The following UBE2T variants were observed in gnomAD, a reference collection of about 807,000 sequenced individuals.
The protein encoded by UBE2T is ubiquitin-conjugating enzyme E2 T.
In UBE2T, 15 loss-of-function variants were observed where a neutral mutation model predicts 23.3. The ratio of observed to expected loss-of-function variants is 0.64; its 90% CI spans 0.43 to 0.99. UBE2T has a LOEUF of 0.99. UBE2T is among the 50% of genes least tolerant of loss of function. UBE2T has a pLI of 0.00. For missense variants in UBE2T, 197 were observed against 234.9 expected (o/e 0.84, Z 1.05); for synonymous variants, 67 against 78.4 (o/e 0.85, Z 0.77).
At chr1:202,336,994 A>C (rs1359275940) in intron 1 of UBE2T, among the ~76,000 whole-genome samples, 1 of 152,164 alleles carries the variant, frequency 6.6e-6, no homozygotes, top group East Asian at 1.9e-4. Context: ...CCCAGGCTGG[A>C]GTGCAGTGGT....
At position 202,333,475 on chromosome 1, in the gene UBE2T, A is replaced by G. The variant is rs1654813547; in HGVS notation, c.260T>C (p.Leu87Pro). Residue 87 changes from leucine to proline, a missense_variant, in exon 4 of 7, where the codon CTG (leucine) becomes CCG (proline). Coordinates refer to ENST00000646651, the MANE Select transcript of UBE2T (RefSeq NM_014176.4). ...TTTTGGTGGCAATTTGAGAACATCC[A>G]GACAAATCCTTCCAGCAGAATCAAT... Reference protein sequence around the residue: ...PNIDSAGRICLDVLKLPPKGA... With the variant: ...PNIDSAGRICPDVLKLPPKGA... 5 of 1,614,108 alleles carry G rather than the reference A, an allele frequency of 3.1e-6. No individual in the cohort carries two copies. In the South Asian group the frequency reaches 4.4e-5, roughly 14 times the overall value.
intron 3 of UBE2T, 152 bp from the exon 4 acceptor site, chr1:202,333,707 AC>A: frequency 1.5e-6 from 1 of 672,384 alleles, no homozygotes; most frequent in Non-Finnish European, 2.5e-6. Flanking sequence ...CTAAATTTTC[AC>A]TATGAAAATT....
chr1:202,338,251 C>A (rs924640736), intron 1 of UBE2T, among the ~76,000 whole-genome samples: 3 of 151,666 alleles, frequency 2.0e-5, no homozygotes, highest in African/African-American at 7.3e-5. Context: ...TGGAGTTTTG[C>A]TCTTGTTGCC....
intron 1 of UBE2T, among the ~76,000 whole-genome samples, chr1:202,339,010 T>C (rs1654942532): frequency 6.6e-6 from 1 of 151,850 alleles, no homozygotes; most frequent in Non-Finnish European, 1.5e-5. Flanking sequence ...CTGTCCTTTC[T>C]AATTTTGTCT....
intron 1 of UBE2T, among the ~76,000 whole-genome samples, chr1:202,340,691 A>G (rs1338698053): frequency 6.6e-6 from 1 of 152,210 alleles, no homozygotes; most frequent in African/African-American, 2.4e-5. Context: ...ACCATCCCTC[A>G]TGGATACAGA....
intron 1 of UBE2T, among the ~76,000 whole-genome samples, chr1:202,340,482 C>A (rs2148343050): frequency 6.6e-6 from 1 of 151,840 alleles, no homozygotes; most frequent in Middle Eastern, 3.4e-3. Context: ...CCACTGCACT[C>A]CAGCCTGGGT....
chr1:202,331,952 C>T lies in UBE2T; in HGVS notation c.477G>A (p.Glu159=), dbSNP rs1484110136. 1 of 1,614,080 alleles carries T rather than the reference C, an allele frequency of 6.2e-7. No individual in the cohort carries two copies. Among genetic ancestry groups the T allele is most frequent in the African/African-American group, 1.3e-5 (1 of 75,034 alleles). Reference sequence around the variant, plus strand: ...CTGGTAGATTATCAAGCATCTCTTCCTCATCAGCCTAAAGAGGAGACAGGG... The same window carrying T: ...CTGGTAGATTATCAAGCATCTCTTCTTCATCAGCCTAAAGAGGAGACAGGG... ...KHARQKQKAD[E]EEMLDNLPEA... is the part of the protein sequence containing the mutation. Residue 159 remains glutamate (E), a synonymous_variant, in exon 7 of 7, where the codon GAG becomes GAA. Coordinates refer to ENST00000646651, the MANE Select transcript of UBE2T (RefSeq NM_014176.4).
rs377016929 is a variant in UBE2T, at chr1:202,335,102, A to T, written c.110-44T>A. 14 of 1,502,816 alleles carry T rather than the reference A, an allele frequency of 9.3e-6. No homozygotes were observed. The highest frequency in any genetic ancestry group is 1.3e-5 in the Non-Finnish European group (14 of 1,097,668). 93.1% of individuals were successfully genotyped at this position (1,502,816 alleles called of 1,614,324 possible). On this transcript the variant is annotated intron_variant, in intron 2 of 6. Coordinates refer to ENST00000646651, the MANE Select transcript of UBE2T (RefSeq NM_014176.4). The surrounding 1 kb of genome is among the most constrained non-coding windows in gnomAD (Gnocchi z 4.0). ...GAAAAAGTTAAAAGGGAATCAGATC[A>T]TTTGAATTACTACCATATGGAGCTA...
chr1:202,336,569 T>C (rs936897540), intron 1 of UBE2T, among the ~76,000 whole-genome samples: 4 of 152,204 alleles, frequency 2.6e-5, no homozygotes, highest in African/African-American at 9.7e-5. Flanking sequence ...TGATAAATTA[T>C]AAACTCATGA....
intron 1 of UBE2T, among the ~76,000 whole-genome samples, chr1:202,337,435 T>G (rs1654913285): frequency 6.6e-6 from 1 of 152,216 alleles, no homozygotes; most frequent in African/African-American, 2.4e-5. Context: ...CCTTCAAATA[T>G]TTTATAATTT....
chr1:202,338,643 AT>A (rs146507628), intron 1 of UBE2T, among the ~76,000 whole-genome samples: 1,709 of 152,204 alleles, frequency 0.011, 36 homozygotes, highest in African/African-American at 0.04. Context: ...AATCAAGTTT[AT>A]TTCTTCCCTT....
intron 1 of UBE2T, among the ~76,000 whole-genome samples, chr1:202,339,599 C>CAAAAA (rs56088102): frequency 2.5e-5 from 2 of 79,046 alleles, no homozygotes; most frequent in African/African-American, 4.6e-5. Context: ...GACTCTGTCT[C>CAAAAA]AAAAAAAAAA....
intron 1 of UBE2T, among the ~76,000 whole-genome samples, chr1:202,336,264 C>G (rs1233861522): frequency 7.5e-6 from 1 of 133,876 alleles, no homozygotes; most frequent in Non-Finnish European, 1.5e-5. Flanking sequence ...CTCTGTCACC[C>G]AGGCTGGAGT....
intron 1 of UBE2T, among the ~76,000 whole-genome samples, chr1:202,339,648 C>T (rs1654957388): frequency 7.3e-6 from 1 of 137,322 alleles, no homozygotes; most frequent in Non-Finnish European, 1.6e-5. Context: ...ACGTACTATA[C>T]ATTTTTTCTT....
intron 1 of UBE2T, among the ~76,000 whole-genome samples, chr1:202,337,007 G>A (rs193119341): frequency 2.5e-4 from 38 of 152,182 alleles, no homozygotes; most frequent in Admixed American, 2.0e-3. Flanking sequence ...GCAGTGGTGC[G>A]ATCTCGGCTC....
chr1:202,336,245 AG>A (rs1654881260), intron 1 of UBE2T, among the ~76,000 whole-genome samples: 1 of 90,124 alleles, frequency 1.1e-5, no homozygotes, highest in Non-Finnish European at 2.0e-5. Context: ...TTTTAGAGGC[AG>A]GGTCTTGCTC....
intron 3 of UBE2T, among the ~76,000 whole-genome samples, 153 bp downstream of exon 3, chr1:202,334,836 C>G (rs955563696): frequency 3.3e-5 from 5 of 152,074 alleles, no homozygotes; most frequent in African/African-American, 1.2e-4. Flanking sequence ...AACTGAACTC[C>G]AGAGAGAGAA....
In UBE2T at chr1:202,331,671, CTATT is replaced by C. The variant is rs1258905343; in HGVS notation, c.*160_*163del. 11 of 830,220 alleles carry C rather than the reference CTATT, an allele frequency of 1.3e-5. No homozygotes were observed. The highest frequency in any genetic ancestry group is 2.0e-5 in the Non-Finnish European group (11 of 543,910). The allele number at this position is 830,220 out of a possible 1,614,324, so 51.4% of individuals were successfully genotyped here. A position where few individuals can be genotyped will look rare whatever the true frequency, so the allele number is the denominator to read the frequency against. ...TAAACACATACTCAACATTAAATGA[CTATT>C]TATTTTTCAGGTTTAAAAGATTTCA... is the stretch of plus-strand genomic sequence containing the variant. On this transcript the variant is annotated 3_prime_UTR_variant, in exon 7 of 7. Coordinates refer to ENST00000646651, the MANE Select transcript of UBE2T (RefSeq NM_014176.4).
At chr1:202,338,509 C>T (rs1654933978) in intron 1 of UBE2T, among the ~76,000 whole-genome samples, 2 of 152,156 alleles carry the variant, frequency 1.3e-5, no homozygotes, top group Admixed American at 6.5e-5. Flanking sequence ...GCATGAGCCA[C>T]CTCGCCCAGC....
Sources: gnomAD v4.1 joint callset for allele counts (sites outside exome capture counted in the v4.1 genomes callset) on GRCh38, gnomAD v4.1.1 for gene constraint, Gnocchi (gnomAD v3.1) non-coding constraint, MANE v1.5 for transcripts, NCBI Gene and HGNC (gene_info 2026-07-23, HGNC 2026-07-21) for gene names.